The following DYNC2H1 variants were observed in gnomAD, a reference collection of about 807,000 sequenced individuals.
The protein encoded by DYNC2H1 is dynein cytoplasmic 2 heavy chain 1, also known as cytoplasmic dynein 2 heavy chain 1.
A neutral mutation model predicts 570.0 loss-of-function variants in DYNC2H1; 410 were observed. That is an observed-to-expected ratio of 0.72 (90% CI 0.66 to 0.78). DYNC2H1 has a LOEUF of 0.78. Ranked by LOEUF, DYNC2H1 falls within the 30% of genes least tolerant of loss-of-function variation. The probability of loss-of-function intolerance (pLI) is 0.00; values close to 1 mark genes in which losing one functional copy is unlikely to be tolerated. For synonymous variants in DYNC2H1, 1,688 were observed against 1,677.6 expected, an observed-to-expected ratio of 1.01 and a Z score of -0.15; for missense variants, 4,865 against 5,046.4, an observed-to-expected ratio of 0.96 and a Z score of 1.09.
chr11:103,284,798 A>G (rs1408170426), intron 73 of DYNC2H1, among the ~76,000 whole-genome samples: 1 of 152,226 alleles, frequency 6.6e-6, no homozygotes, highest in Non-Finnish European at 1.5e-5. Context: ...ATGAAGTTCT[A>G]TACTGAAGAT....
intron 88 of DYNC2H1, among the ~76,000 whole-genome samples, chr11:103,473,367 A>T (rs1165634103): frequency 6.6e-6 from 1 of 150,796 alleles, no homozygotes; most frequent in Non-Finnish European, 1.5e-5. Flanking sequence ...CAGATTCTTA[A>T]AGTTACTCCA....
intron 84 of DYNC2H1, among the ~76,000 whole-genome samples, chr11:103,414,387 G>A (rs963294622): frequency 6.1e-5 from 9 of 148,262 alleles, no homozygotes; most frequent in South Asian, 2.2e-4. Flanking sequence ...TTGGGAGGCC[G>A]AGGCACATGG....
chr11:103,271,745 A>G (rs1865716734), intron 70 of DYNC2H1, among the ~76,000 whole-genome samples: 1 of 152,232 alleles, frequency 6.6e-6, no homozygotes, highest in Non-Finnish European at 1.5e-5. Flanking sequence ...ATAAACTAAG[A>G]TTTACAGCTA....
chr11:103,156,236 G>T (rs921117327), intron 25 of DYNC2H1, among the ~76,000 whole-genome samples, 152 bp from the exon 26 acceptor site: 7 of 148,938 alleles, frequency 4.7e-5, no homozygotes, highest in Admixed American at 3.3e-4. Context: ...ATTTTCTTGA[G>T]TTGCATGTAA....
At chr11:103,321,702 T>A (rs968060257) in intron 81 of DYNC2H1, among the ~76,000 whole-genome samples, 1 of 152,134 alleles carries the variant, frequency 6.6e-6, no homozygotes, top group Non-Finnish European at 1.5e-5. Flanking sequence ...ACAGCAACAT[T>A]TTGTGTATTT....
chr11:103,234,177 G>A lies in DYNC2H1; in HGVS notation c.9567+17G>A, dbSNP rs1864132450. On this transcript the variant is annotated intron_variant, in intron 61 of 88. Transcript: ENST00000375735. ...AATGCACAGGTTTGTTTGAGAGAGG[G>A]GCCATGAGGAGTCTACCTTTAAACT... The A allele has an allele frequency of 1.3e-6, 2 of 1,576,608 alleles. No homozygotes were observed. The highest frequency in any genetic ancestry group is 1.2e-5 in the South Asian group (1 of 85,256).
intron 75 of DYNC2H1, among the ~76,000 whole-genome samples, chr11:103,297,795 G>A (rs1283117868): frequency 6.6e-6 from 1 of 151,954 alleles, no homozygotes; most frequent in African/African-American, 2.4e-5. Flanking sequence ...AACTTACTCT[G>A]AATTCATTTT....
At chr11:103,307,868 A>G (rs777513884) in intron 78 of DYNC2H1, 37 bp downstream of exon 78, 1 of 1,239,456 alleles carries the variant, frequency 8.1e-7, no homozygotes, top group South Asian at 1.3e-5. Context: ...CAGTTGTATG[A>G]AAGCAGTACT....
intron 6 of DYNC2H1, among the ~76,000 whole-genome samples, chr11:103,119,005 A>G (rs1027660360): frequency 3.3e-5 from 5 of 152,140 alleles, no homozygotes; most frequent in Non-Finnish European, 5.9e-5. Context: ...TTCTGCTTTT[A>G]TTAGTCATGA....
chr11:103,218,690 A>G (rs1368106552), intron 55 of DYNC2H1, among the ~76,000 whole-genome samples: 3 of 152,188 alleles, frequency 2.0e-5, no homozygotes, highest in African/African-American at 7.2e-5. Flanking sequence ...CTCTCTGGCT[A>G]GTGACATTAG....
At chr11:103,219,696 A>G (rs1863514371) in intron 55 of DYNC2H1, among the ~76,000 whole-genome samples, 1 of 152,172 alleles carries the variant, frequency 6.6e-6, no homozygotes, top group Admixed American at 6.5e-5. Flanking sequence ...TGCTAAGTAG[A>G]AAAAAATTAA....
At chr11:103,196,922 A>G (rs1237960261) in intron 47 of DYNC2H1, among the ~76,000 whole-genome samples, 1 of 152,156 alleles carries the variant, frequency 6.6e-6, no homozygotes, top group East Asian at 1.9e-4. Flanking sequence ...CATAGCTTGG[A>G]TCTAGGGAAG....
chr11:103,199,564 G>T lies in DYNC2H1; in HGVS notation c.8088+88G>T. On this transcript the variant is annotated intron_variant, in intron 49 of 88. Transcript: ENST00000375735. This position sits in a 1 kb window ranked among gnomAD's most constrained non-coding sequence, Gnocchi z 4.6. ...ATCTTTAAAGACCTAAAGGTTTAAA[G>T]AACTAAAGTTTTAAAGAACATCTTT... 1.6e-6 allele frequency: 2 copies of T among 1,279,290 alleles called. No homozygotes were observed. Among genetic ancestry groups the T allele is most frequent in the Non-Finnish European group, 1.0e-6 (1 of 985,686 alleles). The allele number at this position is 1,279,290 out of a possible 1,614,324, so 79.2% of individuals were successfully genotyped here. A position where few individuals can be genotyped will look rare whatever the true frequency, so the allele number is the denominator to read the frequency against.
At chr11:103,122,015 T>C (rs1392642864) in intron 10 of DYNC2H1, among the ~76,000 whole-genome samples, 1 of 152,150 alleles carries the variant, frequency 6.6e-6, no homozygotes, top group African/African-American at 2.4e-5. Context: ...TTTATGTAAC[T>C]AAATCACTTT....
chr11:103,233,942 G>T, intron 60 of DYNC2H1, 92 bp from the exon 61 acceptor site: 1 of 1,226,752 alleles, frequency 8.2e-7, no homozygotes. Flanking sequence ...ATTAAATTAT[G>T]GCATAAAAGT....
At chr11:103,285,729 G>A (rs1645587140) in intron 73 of DYNC2H1, among the ~76,000 whole-genome samples, 2 of 151,938 alleles carry the variant, frequency 1.3e-5, no homozygotes, top group African/African-American at 4.8e-5. Context: ...CCGGCTGAGA[G>A]GAGGAATTTG....
At chr11:103,288,889 AAAAAAAAG>A (rs1353328599) in intron 75 of DYNC2H1, among the ~76,000 whole-genome samples, 2 of 150,604 alleles carry the variant, frequency 1.3e-5, no homozygotes, top group Non-Finnish European at 3.0e-5. Flanking sequence ...TCAAAAAAAA[AAAAAAAAG>A]AAAGAAAATT....
At chr11:103,172,822 T>C (rs1357196530) in intron 34 of DYNC2H1, among the ~76,000 whole-genome samples, 2 of 151,994 alleles carry the variant, frequency 1.3e-5, no homozygotes, top group Non-Finnish European at 2.9e-5. Context: ...ACATTCAGCC[T>C]CAAAAAACTG....
In DYNC2H1 at chr11:103,170,141, A is replaced by G. The variant is rs1157293034; in HGVS notation, c.5002A>G (p.Thr1668Ala). Residue 1668 changes from threonine to alanine, a missense_variant, in exon 33 of 89, where the codon ACA becomes GCA. Thr to Ala is a moderately conservative substitution (Grantham distance 58, BLOSUM62 0). This residue lies in a region of DYNC2H1 where 1,936 missense variants were observed against 1,962.1 expected (regional missense o/e 0.99). Coordinates refer to ENST00000375735, the MANE Select transcript of DYNC2H1 (RefSeq NM_001377.3). The surrounding 1 kb of genome is among the most constrained non-coding windows in gnomAD (Gnocchi z 4.8). ...TTCCAAACTGGTTTATACTCCACTGACAGACAAGTGCTACTTAACTCTCAC... is the reference window on the plus strand; with the variant it reads ...TTCCAAACTGGTTTATACTCCACTGGCAGACAAGTGCTACTTAACTCTCAC... ...NASKLVYTPL[T>A]DKCYLTLTQA... 6.2e-7 allele frequency: 1 copy of G among 1,612,962 alleles called. No individual in the cohort carries two copies. Among genetic ancestry groups the G allele is most frequent in the African/African-American group, 1.3e-5 (1 of 75,014 alleles).
Sources: allele counts gnomAD v4.1 joint callset (sites outside exome capture counted in the v4.1 genomes callset), GRCh38; gene constraint gnomAD v4.1.1; regional missense constraint gnomAD v4.1.1; non-coding constraint Gnocchi (gnomAD v3.1); transcripts MANE v1.5; gene names NCBI Gene and HGNC (gene_info 2026-07-23, HGNC 2026-07-21).